The following DOCK8 variants were observed in gnomAD, a reference collection of about 807,000 sequenced individuals.
DOCK8 encodes dedicator of cytokinesis protein 8.
DOCK8 carries 141 observed loss-of-function variants against 245.6 expected under a neutral mutation model. That is an observed-to-expected ratio of 0.57 (90% CI 0.50 to 0.66). DOCK8 has a LOEUF of 0.66. Among genes scored for constraint, DOCK8 ranks in the 30% least tolerant of loss-of-function variants. The pLI is 0.00. For synonymous variants in DOCK8, 1,168 were observed against 970.2 expected (o/e 1.20, Z -3.79); for missense variants, 2,965 against 2,603.4 (o/e 1.14, Z -3.02).
intron 22 of DOCK8, among the ~76,000 whole-genome samples, chr9:384,794 T>C (rs2053879734): frequency 6.6e-6 from 1 of 152,102 alleles, no homozygotes; most frequent in South Asian, 2.1e-4. Flanking sequence ...CGGGCGCCTG[T>C]AATCCCAGCT....
At chr9:269,737 T>C (rs961494653) in intron 1 of DOCK8, among the ~76,000 whole-genome samples, 1 of 152,010 alleles carries the variant, frequency 6.6e-6, no homozygotes, top group Non-Finnish European at 1.5e-5. Context: ...TTTGTATTTT[T>C]AGTAGAGATG....
rs1355312408 is a variant in DOCK8, at chr9:441,395, C to T, written c.5333C>T (p.Ala1778Val). ...CTCACTCACAGCAAGCTGCAGAGAG[C>T]CTTCGACAGCATCGTTAACAAGGTA... ...LTLTHSKLQRAFDSIVNKDHK... is the reference protein window; with the variant it reads ...LTLTHSKLQRVFDSIVNKDHK... The change falls in exon 41 of 48, where the codon GCC (alanine) becomes GTC (valine). Residue 1778 changes from alanine (A) to valine (V), a missense_variant. By Grantham distance (64) the Ala-to-Val change is moderately conservative. Around this residue, in one of 3 missense-constraint regions of DOCK8, gnomAD observed 2,825 missense variants for 2,453.5 expected, o/e 1.15. Transcript: ENST00000432829. 1.9e-6 allele frequency: 3 copies of T among 1,614,054 alleles called. No homozygotes were observed. Among genetic ancestry groups the T allele is most frequent in the East Asian group, 2.2e-5 (1 of 44,874 alleles).
Position 304,471 on chromosome 9 carries a change from G to A in DOCK8, c.405-110G>A. 4.2e-6 allele frequency: 6 copies of A among 1,421,698 alleles called. No homozygotes were observed. In the South Asian group the frequency reaches 5.9e-5, roughly 14 times the overall value. The allele number at this position is 1,421,698 out of a possible 1,614,324, so 88.1% of individuals were successfully genotyped here. ...ATTATAATTGGTTCCCTCTTTGAAA[G>A]CTCTCTCAGCACCATGTCTACACTT... On this transcript the variant is annotated intron_variant, in intron 4 of 47. Coordinates refer to ENST00000432829, the MANE Select transcript of DOCK8 (RefSeq NM_203447.4).
At chr9:258,828 C>G (rs994792570) in intron 1 of DOCK8, among the ~76,000 whole-genome samples, 8 of 152,020 alleles carry the variant, frequency 5.3e-5, no homozygotes, top group Non-Finnish European at 8.8e-5. Flanking sequence ...GAACTCCTGA[C>G]CTCAGGTGAT....
chr9:384,579 G>A (rs67711274), intron 22 of DOCK8, among the ~76,000 whole-genome samples: 3,227 of 152,232 alleles, frequency 0.021, 115 homozygotes, highest in African/African-American at 0.072. Context: ...AGAGGTCCTG[G>A]TCCCTGAATG....
At chr9:440,072 G>A (rs192462254) in intron 40 of DOCK8, among the ~76,000 whole-genome samples, 2 of 152,288 alleles carry the variant, frequency 1.3e-5, no homozygotes, top group Non-Finnish European at 2.9e-5. Flanking sequence ...AGGCTGGAAT[G>A]CAGTGGTGCA....
At chr9:433,089 T>C (rs2056775233) in intron 37 of DOCK8, among the ~76,000 whole-genome samples, 1 of 152,278 alleles carries the variant, frequency 6.6e-6, no homozygotes, top group Non-Finnish European at 1.5e-5. Flanking sequence ...GCATCCTCAT[T>C]CTCAGAATCT....
At chr9:373,949 C>G (rs905307000) in intron 18 of DOCK8, among the ~76,000 whole-genome samples, 1 of 152,156 alleles carries the variant, frequency 6.6e-6, no homozygotes, top group South Asian at 2.1e-4. Context: ...TAGGAAAGAC[C>G]TGAGTGTTGG....
At chr9:271,602 T>A (rs1489907621) in intron 1 of DOCK8, 25 bp from the exon 2 acceptor site, 6 of 1,447,238 alleles carry the variant, frequency 4.1e-6, no homozygotes, top group Non-Finnish European at 5.7e-6. Context: ...ATCATTTCAT[T>A]TAGATTTTTC....
intron 14 of DOCK8, among the ~76,000 whole-genome samples, chr9:356,909 G>C (rs909022933): frequency 6.6e-6 from 1 of 152,082 alleles, no homozygotes; most frequent in African/African-American, 2.4e-5. Context: ...ATCGGGGAGA[G>C]AATTTTTTTT....
chr9:417,975 T>A, intron 29 of DOCK8, 93 bp from the exon 30 acceptor site: 2 of 1,544,132 alleles, frequency 1.3e-6, no homozygotes, highest in Non-Finnish European at 1.8e-6. Context: ...TGTGCTGACT[T>A]TAGTGACTGA....
chr9:339,642 G>A (rs1365744343), intron 13 of DOCK8, among the ~76,000 whole-genome samples: 1 of 152,164 alleles, frequency 6.6e-6, no homozygotes, highest in East Asian at 1.9e-4. Context: ...AACCTCCCGA[G>A]TAGCTGGGAC....
intron 22 of DOCK8, among the ~76,000 whole-genome samples, chr9:384,215 A>G (rs952313745): frequency 6.6e-6 from 1 of 152,214 alleles, no homozygotes. Flanking sequence ...TATTATTCAC[A>G]TACCATAAAA....
intron 26 of DOCK8, among the ~76,000 whole-genome samples, chr9:401,916 G>A (rs533862582): frequency 7.2e-5 from 11 of 152,248 alleles, no homozygotes; most frequent in African/African-American, 2.4e-4. Context: ...CCCATCCCAT[G>A]CACCCTGACC....
At chr9:393,741 A>C (rs1370312734) in intron 24 of DOCK8, among the ~76,000 whole-genome samples, 1 of 152,214 alleles carries the variant, frequency 6.6e-6, no homozygotes, top group Non-Finnish European at 1.5e-5. Flanking sequence ...GTTTGTCAAC[A>C]TGCAGATCAC....
intron 2 of DOCK8, among the ~76,000 whole-genome samples, chr9:282,369 T>G (rs2048624347): frequency 6.6e-6 from 1 of 152,108 alleles, no homozygotes; most frequent in Non-Finnish European, 1.5e-5. Context: ...CATTTGTGGC[T>G]TTGAATTTCA....
chr9:290,269 G>T (rs2048982916), intron 4 of DOCK8, among the ~76,000 whole-genome samples: 1 of 145,512 alleles, frequency 6.9e-6, no homozygotes, highest in Non-Finnish European at 1.5e-5. Context: ...ACATTATGAG[G>T]TTTTTTTTTT....
intron 1 of DOCK8, among the ~76,000 whole-genome samples, chr9:238,224 A>T (rs1023500710): frequency 3.3e-5 from 5 of 152,200 alleles, no homozygotes; most frequent in Non-Finnish European, 7.3e-5. Flanking sequence ...TTGGGGATAC[A>T]AGTTTGATTC....
chr9:231,864 C>T (rs990603941), intron 1 of DOCK8, among the ~76,000 whole-genome samples: 2 of 152,262 alleles, frequency 1.3e-5, no homozygotes, highest in Admixed American at 6.5e-5. Context: ...TTGACTTCCT[C>T]TTTTCCTAAT....
Sources: allele counts gnomAD v4.1 joint callset (sites outside exome capture counted in the v4.1 genomes callset), GRCh38; gene constraint gnomAD v4.1.1; regional missense constraint gnomAD v4.1.1; transcripts MANE v1.5; gene names NCBI Gene and HGNC (gene_info 2026-07-23, HGNC 2026-07-21).